Variants in OCA2 observed in about 807,000 individuals in gnomAD.
The protein encoded by OCA2 is OCA2 melanosomal transmembrane protein.
A neutral mutation model predicts 100.2 loss-of-function variants in OCA2; 77 were observed. That is an observed-to-expected ratio of 0.77 (90% CI 0.64 to 0.93). The LOEUF is 0.93. Among genes scored for constraint, OCA2 ranks in the 40% least tolerant of loss-of-function variants. The pLI, the probability that OCA2 is intolerant of heterozygous loss-of-function variation, is 0.00. For synonymous variants in OCA2, 432 were observed against 439.2 expected, an observed-to-expected ratio of 0.98 and a Z score of 0.21; for missense variants, 1,062 against 1,089.1, an observed-to-expected ratio of 0.98 and a Z score of 0.35.
At chr15:28,031,085 T>C (rs1163249903) in intron 3 of OCA2, among the ~76,000 whole-genome samples, 2 of 152,272 alleles carry the variant, frequency 1.3e-5, no homozygotes, top group East Asian at 1.9e-4. Context: ...CTCTTTTAAA[T>C]TGGGGGAGGG....
intron 11 of OCA2, among the ~76,000 whole-genome samples, chr15:27,988,876 T>C (rs2041450083): frequency 6.6e-6 from 1 of 152,094 alleles, no homozygotes; most frequent in Non-Finnish European, 1.5e-5. Flanking sequence ...TTCCATCAGG[T>C]CACATAGCTG....
intron 19 of OCA2, among the ~76,000 whole-genome samples, chr15:27,889,077 C>T (rs2037348944): frequency 6.6e-6 from 1 of 152,156 alleles, no homozygotes; most frequent in African/African-American, 2.4e-5. Flanking sequence ...ACAGGTTAGA[C>T]TGAGCCACAC....
chr15:27,982,522 G>A (rs1446684126), intron 14 of OCA2, among the ~76,000 whole-genome samples: 1 of 152,154 alleles, frequency 6.6e-6, no homozygotes, highest in Non-Finnish European at 1.5e-5. Flanking sequence ...ACGGCAGCTA[G>A]GGAATGCAGA....
At chr15:27,726,443 CAAAG>C in the OCA2 span, among the ~76,000 whole-genome samples, 1 of 152,096 alleles carries the variant, frequency 6.6e-6, no homozygotes, top group South Asian at 2.1e-4. Flanking sequence ...CTTCTCAATA[CAAAG>C]AAAGAGGCAG....
At chr15:28,086,663 G>GA (rs1383412677) in intron 1 of OCA2, among the ~76,000 whole-genome samples, 1 of 152,044 alleles carries the variant, frequency 6.6e-6, no homozygotes, top group South Asian at 2.1e-4. Flanking sequence ...AGAATTATCT[G>GA]AAAAAATATT....
chr15:27,727,897 A>G, the OCA2 span, among the ~76,000 whole-genome samples: 4 of 152,142 alleles, frequency 2.6e-5, no homozygotes, highest in Non-Finnish European at 4.4e-5. Flanking sequence ...ACATCTGCAA[A>G]GTCTCCTTTG....
chr15:28,090,747 CAA>C (rs1480361059), intron 1 of OCA2, among the ~76,000 whole-genome samples: 1 of 151,682 alleles, frequency 6.6e-6, no homozygotes, highest in Non-Finnish European at 1.5e-5. Context: ...GAGCAAGTCT[CAA>C]AAATAATATA....
intron 23 of OCA2, among the ~76,000 whole-genome samples, chr15:27,808,597 G>A (rs1462302604): frequency 1.3e-5 from 2 of 152,162 alleles, no homozygotes; most frequent in Non-Finnish European, 2.9e-5. Context: ...GACATTCTAT[G>A]ACTCGGAGGT....
chr15:27,900,228 C>A (rs111996588), intron 19 of OCA2, among the ~76,000 whole-genome samples: 1,966 of 152,194 alleles, frequency 0.013, 43 homozygotes, highest in African/African-American at 0.043. Context: ...AAAAACATAC[C>A]CCTGGGTGGA....
intron 23 of OCA2, among the ~76,000 whole-genome samples, chr15:27,765,136 T>C (rs2031155844): frequency 6.6e-6 from 1 of 152,080 alleles, no homozygotes; most frequent in African/African-American, 2.4e-5. Flanking sequence ...CAGGTGAGTG[T>C]AGCAGGCCAG....
At chr15:27,844,269 G>A (rs1034136218) in intron 23 of OCA2, among the ~76,000 whole-genome samples, 1 of 152,164 alleles carries the variant, frequency 6.6e-6, no homozygotes, top group African/African-American at 2.4e-5. Flanking sequence ...GGACGCCACT[G>A]CCAGGCTGCC....
At chr15:27,920,914 G>A (rs575633006) in intron 19 of OCA2, among the ~76,000 whole-genome samples, 155 of 151,976 alleles carry the variant, frequency 1.0e-3, no homozygotes, top group African/African-American at 3.6e-3. Flanking sequence ...GAAGAAAAAT[G>A]AATAAAGTGT....
intron 9 of OCA2, among the ~76,000 whole-genome samples, chr15:28,013,121 T>C (rs1375498384): frequency 6.6e-6 from 1 of 152,060 alleles, no homozygotes; most frequent in Non-Finnish European, 1.5e-5. Context: ...CATAGGGTCC[T>C]CCTCCTGGAC....
chr15:28,079,120 C>A (rs1595921825), intron 2 of OCA2, among the ~76,000 whole-genome samples: 1 of 152,170 alleles, frequency 6.6e-6, no homozygotes, highest in Non-Finnish European at 1.5e-5. Context: ...CAGTCTGAAG[C>A]AATCTATTTG....
intron 3 of OCA2, among the ~76,000 whole-genome samples, chr15:28,031,864 G>A (rs980070309): frequency 1.3e-5 from 2 of 152,128 alleles, no homozygotes; most frequent in Non-Finnish European, 2.9e-5. Context: ...GTTGCTGCAG[G>A]GTTATGCTCA....
chr15:28,087,275 A>G (rs1484227714), intron 1 of OCA2, among the ~76,000 whole-genome samples: 2 of 152,228 alleles, frequency 1.3e-5, no homozygotes, highest in Non-Finnish European at 2.9e-5. Flanking sequence ...CCAAGTAATG[A>G]GAGGAAGGAA....
intron 2 of OCA2, among the ~76,000 whole-genome samples, chr15:28,044,636 A>G (rs180749238): frequency 7.9e-5 from 12 of 152,344 alleles, no homozygotes; most frequent in Admixed American, 7.8e-4. Flanking sequence ...GAAATCTCCA[A>G]CTATGATTCT....
chr15:28,024,534 C>G (rs1232324728), intron 5 of OCA2, among the ~76,000 whole-genome samples: 1 of 152,212 alleles, frequency 6.6e-6, no homozygotes, highest in African/African-American at 2.4e-5. Context: ...CAGGGCTGAA[C>G]AGGGAAGTGG....
At chr15:28,083,963 G>A (rs2044727549) in intron 1 of OCA2, among the ~76,000 whole-genome samples, 1 of 152,214 alleles carries the variant, frequency 6.6e-6, no homozygotes, top group South Asian at 2.1e-4. Context: ...CAGACTGAAT[G>A]TGTATGTGCC....
Sources: gnomAD v4.1 joint callset for allele counts (sites outside exome capture counted in the v4.1 genomes callset) on GRCh38, gnomAD v4.1.1 for gene constraint, MANE v1.5 for transcripts, NCBI Gene and HGNC (gene_info 2026-07-23, HGNC 2026-07-21) for gene names.